PATJ: variants seen among roughly 807,000 people sequenced by gnomAD.
PATJ encodes inaD-like protein.
PATJ carries 190 observed loss-of-function variants against 224.9 expected under a neutral mutation model. That is an observed-to-expected ratio of 0.84 (90% CI 0.75 to 0.95). The LOEUF is 0.95. Among genes scored for constraint, PATJ ranks in the 40% least tolerant of loss-of-function variants. The pLI, the probability that PATJ is intolerant of heterozygous loss-of-function variation, is 0.00. For synonymous variants in PATJ, 769 were observed against 820.3 expected (o/e 0.94, Z 1.07); for missense variants, 2,121 against 2,270.3 (o/e 0.93, Z 1.34).
At position 61,847,230 on chromosome 1, in the gene PATJ, GT is replaced by G. The variant is rs536660812; in HGVS notation, c.2113-8799del. 5.6e-4 allele frequency among the ~76,000 whole-genome samples: 85 copies of G among 152,314 alleles called. 1 individual carries two copies. In the South Asian group the frequency reaches 0.015, roughly 27 times the overall value. ...TGCTTAAACCATTTAAAATATTGGGGTGCTTAAAATAGGTTTTTAAAGTACT... is the reference window on the plus strand; with the variant it reads ...TGCTTAAACCATTTAAAATATTGGGGGCTTAAAATAGGTTTTTAAAGTACT... On this transcript the variant is annotated intron_variant, in intron 17 of 43. Transcript: ENST00000642238.
chr1:61,964,153 C>T (rs900353891), intron 27 of PATJ, among the ~76,000 whole-genome samples: 7 of 151,086 alleles, frequency 4.6e-5, no homozygotes, highest in Admixed American at 1.3e-4. Context: ...ATGATCTCAG[C>T]TCATTGTATC....
Position 61,748,994 on chromosome 1 carries a change from T to C in PATJ, c.-36+6439T>C, listed in dbSNP as rs112416822. Among the ~76,000 whole-genome samples the C allele has an allele frequency of 2.2e-3, 333 of 152,252 alleles. 2 individuals carry two copies. Among genetic ancestry groups the C allele is most frequent in the African/African-American group, 7.6e-3 (317 of 41,544 alleles). On this transcript the variant is annotated intron_variant, in intron 1 of 43. Coordinates refer to ENST00000642238, the MANE Select transcript of PATJ (RefSeq NM_001350145.3). ...CATATGAAGTAATTTTTTTTTTCTT[T>C]TTTTTCTCCTGAGATGGAGTTGCCC... is the stretch of plus-strand genomic sequence containing the variant.
At chr1:62,120,135 A>C (rs1259163882) in intron 37 of PATJ, among the ~76,000 whole-genome samples, 1 of 152,218 alleles carries the variant, frequency 6.6e-6, no homozygotes. Context: ...TATGAAGTAT[A>C]CTGAGATCTA....
chr1:62,079,505 A>C lies in PATJ; in HGVS notation c.4181A>C (p.Gln1394Pro). Reference sequence around the variant, plus strand: ...CCAACAAAAGTCTCCTTCAGTTCACAAGAGATACCATTAGCACCAGCTTCA... The same window carrying C: ...CCAACAAAAGTCTCCTTCAGTTCACCAGAGATACCATTAGCACCAGCTTCA... ...KYPTKVSFSS[Q>P]EIPLAPASSY... is the part of the protein sequence containing the mutation. Residue 1394 changes from glutamine (Q) to proline (P), a missense_variant, in exon 32 of 44, where the codon CAA becomes CCA. By Grantham distance (76) the Gln-to-Pro change is moderately conservative (BLOSUM62 -1). Coordinates refer to ENST00000642238, the MANE Select transcript of PATJ (RefSeq NM_001350145.3). 1 of 1,614,078 alleles carries C rather than the reference A, an allele frequency of 6.2e-7. No individual in the cohort carries two copies. The highest frequency in any genetic ancestry group is 2.2e-5 in the East Asian group (1 of 44,886).
At chr1:61,830,886 T>G (rs767256568) in intron 16 of PATJ, among the ~76,000 whole-genome samples, 3 of 151,996 alleles carry the variant, frequency 2.0e-5, no homozygotes, top group Non-Finnish European at 4.4e-5. Flanking sequence ...CAGCTCAACA[T>G]GGATTAAAGA....
At chr1:61,902,991 C>A (rs533024040) in intron 24 of PATJ, among the ~76,000 whole-genome samples, 1 of 152,186 alleles carries the variant, frequency 6.6e-6, no homozygotes, top group Non-Finnish European at 1.5e-5. Flanking sequence ...AGCAGTGAGT[C>A]CAGCAATGAT....
At chr1:61,775,421 G>C (rs1468960355) in intron 7 of PATJ, 87 bp downstream of exon 7, 2 of 1,162,872 alleles carry the variant, frequency 1.7e-6, no homozygotes, top group African/African-American at 1.6e-5. Context: ...TGAGTTACCA[G>C]GATATATGAC....
At chr1:62,100,806 T>A (rs1662061006) in intron 33 of PATJ, among the ~76,000 whole-genome samples, 3 of 152,092 alleles carry the variant, frequency 2.0e-5, no homozygotes, top group Non-Finnish European at 4.4e-5. Context: ...CCATCAAGGA[T>A]GGGAGGTGGC....
intron 31 of PATJ, among the ~76,000 whole-genome samples, chr1:62,062,392 CTT>C (rs60747316): frequency 1.0e-2 from 283 of 28,434 alleles, no homozygotes; most frequent in Admixed American, 0.012. Flanking sequence ...ATGTTGTCTT[CTT>C]TTTTTTTTTT....
At chr1:61,900,570 C>T (rs927882560) in intron 23 of PATJ, among the ~76,000 whole-genome samples, 4 of 139,782 alleles carry the variant, frequency 2.9e-5, no homozygotes, top group Non-Finnish European at 6.2e-5. Flanking sequence ...GCCGAAATGA[C>T]ATATGTGGCT....
intron 41 of PATJ, among the ~76,000 whole-genome samples, chr1:62,134,520 T>C (rs957068949): frequency 4.6e-5 from 7 of 150,818 alleles, no homozygotes; most frequent in Non-Finnish European, 1.0e-4. Flanking sequence ...TAATTTTGTA[T>C]TTTTAGTAGA....
Position 62,029,140 on chromosome 1 carries a change from T to A in PATJ, c.3960-8837T>A, listed in dbSNP as rs373787885. ...AGGAAAGGTAAGACCTTCAACTTTA[T>A]TTTTCTTTTTCAAGATTGTTTTGGC... On this transcript the variant is annotated intron_variant, in intron 29 of 43. Coordinates refer to ENST00000642238, the MANE Select transcript of PATJ (RefSeq NM_001350145.3). 9.2e-5 allele frequency among the ~76,000 whole-genome samples: 14 copies of A among 152,290 alleles called. No individual in the cohort carries two copies. In the South Asian group the frequency reaches 2.9e-3, roughly 32 times the overall value.
chr1:62,040,857 C>CA (rs749355641), intron 30 of PATJ, among the ~76,000 whole-genome samples: 5 of 152,040 alleles, frequency 3.3e-5, no homozygotes, highest in Non-Finnish European at 1.5e-5. Flanking sequence ...CTTTTTTCTT[C>CA]AACCCTCATA....
intron 31 of PATJ, chr1:62,072,469 G>C (rs1657589174): frequency 6.6e-6 from 1 of 152,128 alleles, no homozygotes; most frequent in Admixed American, 6.5e-5. Flanking sequence ...TGTTGCTCGT[G>C]TAGTCCCAGC....
intron 7 of PATJ, among the ~76,000 whole-genome samples, chr1:61,776,092 G>A (rs1310971404): frequency 6.6e-6 from 1 of 152,198 alleles, no homozygotes; most frequent in African/African-American, 2.4e-5. Flanking sequence ...TGCAAATGCA[G>A]CTTCAAGGCA....
intron 31 of PATJ, among the ~76,000 whole-genome samples, chr1:62,065,924 T>C (rs1656332389): frequency 6.6e-6 from 1 of 152,212 alleles, no homozygotes; most frequent in South Asian, 2.1e-4. Context: ...TCTCTGAGTC[T>C]ATGAAGTTTT....
intron 33 of PATJ, among the ~76,000 whole-genome samples, chr1:62,107,648 T>G (rs770937171): frequency 3.3e-4 from 50 of 152,226 alleles, no homozygotes; most frequent in African/African-American, 1.1e-3. Flanking sequence ...TGGGAAGCAG[T>G]CTATTTTTGT....
chr1:61,750,792 A>C (rs1570241335), intron 1 of PATJ, among the ~76,000 whole-genome samples: 1 of 151,804 alleles, frequency 6.6e-6, no homozygotes, highest in Non-Finnish European at 1.5e-5. Context: ...TAGAAGAGGG[A>C]GATAAGTGAA....
intron 27 of PATJ, among the ~76,000 whole-genome samples, chr1:61,977,254 A>T (rs1419102354): frequency 1.3e-5 from 2 of 151,866 alleles, no homozygotes; most frequent in Non-Finnish European, 2.9e-5. Context: ...CACCCAGCTA[A>T]TTTTTTTGTA....
Sources: allele counts gnomAD v4.1 joint callset (sites outside exome capture counted in the v4.1 genomes callset), GRCh38; gene constraint gnomAD v4.1.1; transcripts MANE v1.5; gene names NCBI Gene and HGNC (gene_info 2026-07-23, HGNC 2026-07-21).